The following INTS11 variants were observed in gnomAD, a reference collection of about 807,000 sequenced individuals.
INTS11 encodes integrator complex subunit 11.
Under a neutral mutation model 78.6 loss-of-function variants are expected in INTS11, and 77 were observed. The ratio of observed to expected loss-of-function variants is 0.98; its 90% CI spans 0.81 to 1.18. The LOEUF (loss-of-function observed/expected upper bound fraction) is 1.18, where lower values mean the gene tolerates loss of function less well. Among genes scored for constraint, INTS11 ranks in the 50% most tolerant of loss-of-function variants. INTS11 has a pLI of 0.00. For synonymous variants in INTS11, 441 were observed against 326.9 expected, an observed-to-expected ratio of 1.35 and a Z score of -3.77; for missense variants, 875 against 825.9, an observed-to-expected ratio of 1.06 and a Z score of -0.73.
chr1:1,315,431 TAATC>T lies in INTS11; in HGVS notation c.532_535del (p.Asp178IlefsTer3). ...TAAGTGTCGGTCTGGGGTCATGTTA[TAATC>T]ACCCTGGTGAACGATCAAGGATGCC... On this transcript the variant is annotated frameshift_variant, in exon 6 of 17. Transcript: ENST00000435064. LOFTEE classifies it high-confidence loss of function. 1 of 1,613,128 alleles carries T rather than the reference TAATC, an allele frequency of 6.2e-7. No homozygotes were observed. Among genetic ancestry groups the T allele is most frequent in the Admixed American group, 1.7e-5 (1 of 59,958 alleles).
chr1:1,323,353 G>A lies in INTS11; in HGVS notation c.28+1228C>T, dbSNP rs148017626. On this transcript the variant is annotated intron_variant, in intron 1 of 16. Coordinates refer to ENST00000435064, the MANE Select transcript of INTS11 (RefSeq NM_017871.6). Reference sequence around the variant, plus strand: ...ACACCATGTCCCTCCAGCTGTTTCTGAGACCCTGGATTTTGACTAATTTTT... The same window carrying A: ...ACACCATGTCCCTCCAGCTGTTTCTAAGACCCTGGATTTTGACTAATTTTT... 6.0e-6 allele frequency: 9 copies of A among 1,493,432 alleles called. No homozygotes were observed. In the Admixed American group the frequency reaches 8.8e-5, roughly 15 times the overall value. 92.5% of individuals were successfully genotyped at this position (1,493,432 alleles called of 1,614,324 possible). A position where few individuals can be genotyped will look rare whatever the true frequency, so the allele number is the denominator to read the frequency against.
In INTS11 at chr1:1,320,538, G is replaced by C. The variant is rs769608482; in HGVS notation, c.127-9C>G. On this transcript the variant is annotated splice_polypyrimidine_tract_variant and intron_variant, in intron 2 of 16. Transcript: ENST00000435064. ...AAGTCAGGGAAGCGTCGCTAGGAAG[G>C]ATGTGGGGGTTTCAGGTTGCACAGT... 19 of 1,613,672 alleles carry C rather than the reference G, an allele frequency of 1.2e-5. No homozygotes were observed. The highest frequency in any genetic ancestry group is 1.4e-5 in the Non-Finnish European group (17 of 1,179,896).
intron 4 of INTS11, chr1:1,317,309 G>T: frequency 5.7e-6 from 1 of 174,980 alleles, no homozygotes; most frequent in Non-Finnish European, 1.1e-5. Context: ...CAGGAGAATC[G>T]CTTGAACCCA....
intron 1 of INTS11, chr1:1,321,836 G>A (rs561518780): frequency 6.6e-5 from 75 of 1,131,826 alleles, no homozygotes; most frequent in Non-Finnish European, 8.0e-5. Flanking sequence ...AAAGGGTCAC[G>A]GCCCCTGCAC....
chr1:1,315,700 G>T, intron 4 of INTS11, 82 bp from the exon 5 acceptor site: 1 of 318,280 alleles, frequency 3.1e-6, no homozygotes. Flanking sequence ...CGGGAAGCGC[G>T]GGAGGCGGGG....
At chr1:1,318,652 A>G (rs1642757093) in intron 4 of INTS11, 5 of 447,500 alleles carry the variant, frequency 1.1e-5, no homozygotes, top group Non-Finnish European at 1.6e-5. Context: ...ACTGTCAAAA[A>G]AAAAAAAAAA....
rs777021763 is a variant in INTS11, at chr1:1,312,292, C to T, written c.1541G>A (p.Arg514His). 13 of 1,550,070 alleles carry T rather than the reference C, an allele frequency of 8.4e-6. No homozygotes were observed. The highest frequency in any genetic ancestry group is 3.6e-4 in the Middle Eastern group (2 of 5,564). Reference protein sequence around the residue: ...LAEHQLRFTCRVHLHDTRKEQ... With the variant: ...LAEHQLRFTCHVHLHDTRKEQ... ...CTTGCGTGTGTCATGCAGGTGCACG[C>T]GGCAGGTGAAGCGCAGCTGGTGCTC... The change falls in exon 15 of 17, where the codon CGC becomes CAC. Residue 514 changes from arginine (R) to histidine (H), a missense_variant. Arg to His is a conservative substitution (Grantham distance 29, BLOSUM62 0). Transcript: ENST00000435064.
intron 1 of INTS11, among the ~76,000 whole-genome samples, chr1:1,321,521 C>T (rs986278523): frequency 2.6e-5 from 4 of 152,240 alleles, no homozygotes; most frequent in African/African-American, 9.6e-5. Context: ...GGATCTTTCC[C>T]CAGGCAGGCA....
In INTS11 at chr1:1,313,491, ACCTCACCATGC is replaced by A. The variant is rs762013216; in HGVS notation, c.1041+7_1041+17del. The A allele has an allele frequency of 9.3e-6, 15 of 1,612,524 alleles. No homozygotes were observed. The highest frequency in any genetic ancestry group is 4.0e-5 in the African/African-American group (3 of 74,892). On this transcript the variant is annotated splice_region_variant and intron_variant, in intron 10 of 16. Transcript: ENST00000435064. ...CGGCCTCCAGCTTCCAGATTCCCAC[ACCTCACCATGC>A]CCTCACCATGTTCTTTTCGTTTCCG...
Position 1,314,286 on chromosome 1 carries a change from C to T in INTS11, c.767+15G>A, listed in dbSNP as rs1264018715. ...GGCCAGGGGCTCCTTAAAGAGCCGT[C>T]CTGGCGGCACCTACCAGAAGGTCTC... On this transcript the variant is annotated intron_variant, in intron 8 of 16. Coordinates refer to ENST00000435064, the MANE Select transcript of INTS11 (RefSeq NM_017871.6). The surrounding 1 kb of genome is among the most constrained non-coding windows in gnomAD (Gnocchi z 4.2). 25 of 1,585,510 alleles carry T rather than the reference C, an allele frequency of 1.6e-5. No individual in the cohort carries two copies. Among genetic ancestry groups the T allele is most frequent in the Non-Finnish European group, 2.1e-5 (25 of 1,167,464 alleles).
At position 1,312,326 on chromosome 1, in the gene INTS11, C is replaced by T. The variant is rs1265635159; in HGVS notation, c.1507G>A (p.Gly503Ser). 2.6e-6 allele frequency: 4 copies of T among 1,556,110 alleles called. No individual in the cohort carries two copies. The East Asian group carries it at 9.6e-5, about 37-fold the overall frequency. Reference protein sequence around the residue: ...VSSEQALKELGLAEHQLRFTC... With the variant: ...VSSEQALKELSLAEHQLRFTC... ...AAGCGCAGCTGGTGCTCAGCCAGAC[C>T]CAGCTCTTTGAGGGCTTGCTCTGAG... The change falls in exon 15 of 17, where the codon GGT becomes AGT. Residue 503 changes from glycine (G) to serine (S), a missense_variant. Physicochemically the swap from Gly to Ser is moderately conservative, Grantham distance 56 (BLOSUM62 0). Transcript: ENST00000435064.
At position 1,313,873 on chromosome 1, in the gene INTS11, G is replaced by A. The variant is rs779391005; in HGVS notation, c.816C>T (p.Thr272=). The change falls in exon 9 of 17, where the codon ACC becomes ACT. Residue 272 remains threonine (T), a synonymous_variant. Coordinates refer to ENST00000435064, the MANE Select transcript of INTS11 (RefSeq NM_017871.6). The part of the protein sequence containing the change: ...KVPIYFSTGL[T]EKANHYYKLF... ...GCTTGTAGTAGTGGTTGGCCTTCTCGGTCAGCCCCGTGGAGAAGTAGATGG... is the reference window on the plus strand; with the variant it reads ...GCTTGTAGTAGTGGTTGGCCTTCTCAGTCAGCCCCGTGGAGAAGTAGATGG... The A allele has an allele frequency of 3.0e-5, 49 of 1,613,160 alleles. No homozygotes were observed. The highest frequency in any genetic ancestry group is 2.7e-5 in the Non-Finnish European group (32 of 1,179,948).
chr1:1,323,422 T>C (rs1643083289), intron 1 of INTS11: 1 of 1,086,326 alleles, frequency 9.2e-7, no homozygotes, highest in Non-Finnish European at 1.3e-6. Flanking sequence ...TTGACTTTCT[T>C]TTGAGACATG....
intron 4 of INTS11, chr1:1,317,543 G>A (rs1642693146): frequency 1.4e-6 from 1 of 708,040 alleles, no homozygotes; most frequent in Non-Finnish European, 1.7e-6. Context: ...GTTTCAAGAG[G>A]TTGAACGTCA....
Position 1,312,909 on chromosome 1 carries a change from G to A in INTS11, c.1172C>T (p.Ala391Val). 6.2e-7 allele frequency: 1 copy of A among 1,612,480 alleles called. No homozygotes were observed. Among genetic ancestry groups the A allele is most frequent in the Non-Finnish European group, 8.5e-7 (1 of 1,179,770 alleles). ...KMQVEYMSFS[A>V]HADAKGIMQL... ...CATGATGCCCTTGGCGTCCGCGTGT[G>A]CGCTGAATGACATGTACTCCACCTG... The change falls in exon 12 of 17, where the codon GCA (alanine) becomes GTA (valine). Residue 391 changes from alanine (A) to valine (V), a missense_variant. Ala to Val is a moderately conservative substitution (Grantham distance 64). Transcript: ENST00000435064.
chr1:1,312,775 C>T lies in INTS11; in HGVS notation c.1294+12G>A. 6 of 1,603,254 alleles carry T rather than the reference C, an allele frequency of 3.7e-6. No homozygotes were observed. The highest frequency in any genetic ancestry group is 2.2e-5 in the East Asian group (1 of 44,628). ...CCGAGGTGGGCCCCACGCCGCCCGC[C>T]CGGCTGCCTACGGAGCTCCTGCTCG... On this transcript the variant is annotated intron_variant, in intron 12 of 16. Transcript: ENST00000435064.
rs563061550 is a variant in INTS11, at chr1:1,311,996, T to C, written c.1737+22A>G. On this transcript the variant is annotated intron_variant, in intron 16 of 16. Transcript: ENST00000435064. ...ATGTTGATACCTGTGTTGACCGCGGTGGGGTGGGGGTCACCCCTTACCTGG... is the reference window on the plus strand; with the variant it reads ...ATGTTGATACCTGTGTTGACCGCGGCGGGGTGGGGGTCACCCCTTACCTGG... The C allele has an allele frequency of 1.9e-6, 3 of 1,589,202 alleles. No individual in the cohort carries two copies. In the African/African-American group the frequency reaches 4.0e-5, roughly 21 times the overall value.
In INTS11 at chr1:1,320,206, CAG is replaced by C. The variant is rs578072496; in HGVS notation, c.200+248_200+249del. The C allele has an allele frequency of 2.0e-4, 101 of 507,668 alleles. 1 individual carries two copies. In the East Asian group the frequency reaches 2.9e-3, roughly 14 times the overall value. 31.4% of individuals were successfully genotyped at this position (507,668 alleles called of 1,614,324 possible). On this transcript the variant is annotated intron_variant, in intron 3 of 16. Coordinates refer to ENST00000435064, the MANE Select transcript of INTS11 (RefSeq NM_017871.6). ...AAAGATCCTGAGACAGTGAAGGCAT[CAG>C]AGAGGGTGAAGCCTGGAGGGCCGGG...
At chr1:1,315,081 G>C in intron 6 of INTS11, 119 bp from the exon 7 acceptor site, 6 of 1,275,872 alleles carry the variant, frequency 4.7e-6, no homozygotes, top group South Asian at 2.8e-5. Flanking sequence ...ACTCTGGCTG[G>C]AAAGAGCCAG....
Sources: gnomAD v4.1 joint callset for allele counts (sites outside exome capture counted in the v4.1 genomes callset) on GRCh38, gnomAD v4.1.1 for gene constraint, Gnocchi (gnomAD v3.1) non-coding constraint, MANE v1.5 for transcripts, NCBI Gene and HGNC (gene_info 2026-07-23, HGNC 2026-07-21) for gene names.